CNTNAP2: variants seen among roughly 807,000 people sequenced by gnomAD.
The protein encoded by CNTNAP2 is contactin associated protein 2.
Under a neutral mutation model 155.2 loss-of-function variants are expected in CNTNAP2, and 98 were observed. The ratio of observed to expected loss-of-function variants is 0.63; its 90% CI spans 0.54 to 0.75. CNTNAP2 has a LOEUF of 0.75. Among genes scored for constraint, CNTNAP2 ranks in the 30% least tolerant of loss-of-function variants. The pLI is 0.00. For synonymous variants in CNTNAP2, 651 were observed against 631.2 expected, an observed-to-expected ratio of 1.03 and a Z score of -0.47; for missense variants, 1,727 against 1,688.1, an observed-to-expected ratio of 1.02 and a Z score of -0.40.
intron 3 of CNTNAP2, among the ~76,000 whole-genome samples, chr7:146,939,026 C>G (rs367636003): frequency 1.3e-4 from 20 of 151,868 alleles, no homozygotes; most frequent in African/African-American, 4.6e-4. Context: ...CTGACATTTA[C>G]AAGAAAATAT....
At chr7:147,125,529 T>C (rs1801214736) in intron 6 of CNTNAP2, among the ~76,000 whole-genome samples, 1 of 152,214 alleles carries the variant, frequency 6.6e-6, no homozygotes, top group African/African-American at 2.4e-5. Flanking sequence ...AAATGGTGTT[T>C]GGCTTAGATT....
chr7:147,827,749 T>C (rs1404611139), intron 13 of CNTNAP2, among the ~76,000 whole-genome samples: 1 of 152,120 alleles, frequency 6.6e-6, no homozygotes, highest in African/African-American at 2.4e-5. Context: ...AAGGAGATGA[T>C]TTAGAAAGTA....
intron 10 of CNTNAP2, among the ~76,000 whole-genome samples, chr7:147,462,258 A>G (rs1798038317): frequency 6.6e-6 from 1 of 152,130 alleles, no homozygotes. Context: ...GTCTACGAAA[A>G]CACTTCCTGC....
At chr7:148,371,162 C>A (rs1213959844) in intron 21 of CNTNAP2, among the ~76,000 whole-genome samples, 1 of 151,946 alleles carries the variant, frequency 6.6e-6, no homozygotes, top group African/African-American at 2.4e-5. Context: ...AAATAATTAA[C>A]AAAAATACCA....
At chr7:146,479,788 A>AT (rs1300195835) in intron 1 of CNTNAP2, among the ~76,000 whole-genome samples, 1 of 151,842 alleles carries the variant, frequency 6.6e-6, no homozygotes, top group Non-Finnish European at 1.5e-5. Flanking sequence ...TATTTATTTT[A>AT]TTTTTTATTT....
intron 12 of CNTNAP2, among the ~76,000 whole-genome samples, chr7:147,632,469 T>A (rs1027066732): frequency 3.3e-5 from 5 of 152,180 alleles, no homozygotes; most frequent in Non-Finnish European, 7.3e-5. Flanking sequence ...GGGGCTTTTC[T>A]GCCTTTGCGT....
intron 1 of CNTNAP2, among the ~76,000 whole-genome samples, chr7:146,625,293 C>T (rs1172193378): frequency 6.6e-6 from 1 of 151,590 alleles, no homozygotes; most frequent in Non-Finnish European, 1.5e-5. Flanking sequence ...AAGAAATAAC[C>T]TGAATCTGTT....
chr7:146,687,000 C>T (rs564530566), intron 1 of CNTNAP2, among the ~76,000 whole-genome samples: 8 of 152,146 alleles, frequency 5.3e-5, no homozygotes, highest in African/African-American at 1.4e-4. Flanking sequence ...CAATAAGGTG[C>T]GTTAGTTTAT....
At chr7:146,502,909 A>G (rs1322483043) in intron 1 of CNTNAP2, among the ~76,000 whole-genome samples, 2 of 152,110 alleles carry the variant, frequency 1.3e-5, no homozygotes, top group Non-Finnish European at 2.9e-5. Flanking sequence ...GCCGCCTCAA[A>G]CTGCCATCAT....
intron 11 of CNTNAP2, among the ~76,000 whole-genome samples, chr7:147,503,699 ATT>A (rs767282768): frequency 1.0e-5 from 1 of 97,068 alleles, no homozygotes; most frequent in African/African-American, 5.3e-5. Context: ...AAAAAAAAAT[ATT>A]TTTGACAGCA....
chr7:147,899,123 T>C (rs1051765353), intron 13 of CNTNAP2, among the ~76,000 whole-genome samples: 2 of 152,176 alleles, frequency 1.3e-5, no homozygotes, highest in Non-Finnish European at 2.9e-5. Flanking sequence ...GTGAATCACT[T>C]GAGCCCAAAA....
At chr7:147,852,843 A>G (rs1217187542) in intron 13 of CNTNAP2, among the ~76,000 whole-genome samples, 1 of 152,154 alleles carries the variant, frequency 6.6e-6, no homozygotes, top group African/African-American at 2.4e-5. Context: ...TGAAACCTAG[A>G]CATTTAAGAT....
intron 4 of CNTNAP2, chr7:147,080,856 A>G (rs1483746970): frequency 2.6e-5 from 4 of 151,798 alleles, no homozygotes; most frequent in Non-Finnish European, 5.9e-5. Context: ...CCTCCTCACC[A>G]ATATTGACTC....
At chr7:147,061,469 C>T (rs1444549354) in intron 4 of CNTNAP2, among the ~76,000 whole-genome samples, 5 of 147,820 alleles carry the variant, frequency 3.4e-5, no homozygotes, top group East Asian at 1.9e-4. Flanking sequence ...GCTGTTCTTT[C>T]GAAAGGCTTA....
intron 1 of CNTNAP2, among the ~76,000 whole-genome samples, chr7:146,351,707 C>T (rs528161340): frequency 3.9e-5 from 6 of 152,234 alleles, no homozygotes; most frequent in South Asian, 4.1e-4. Context: ...TGTGCTTTTT[C>T]TAAGTTAAAT....
intron 13 of CNTNAP2, among the ~76,000 whole-genome samples, chr7:147,721,931 A>G (rs1235643565): frequency 2.0e-5 from 3 of 152,168 alleles, no homozygotes; most frequent in African/African-American, 7.2e-5. Flanking sequence ...GTTTCAGTTT[A>G]TTACTAAACA....
chr7:147,725,491 G>A (rs1472269898), intron 13 of CNTNAP2, among the ~76,000 whole-genome samples: 1 of 151,944 alleles, frequency 6.6e-6, no homozygotes, highest in Non-Finnish European at 1.5e-5. Flanking sequence ...CTTGGGCAGG[G>A]AGCAAGGAGA....
intron 14 of CNTNAP2, among the ~76,000 whole-genome samples, chr7:147,923,550 G>A (rs928489997): frequency 6.6e-6 from 1 of 152,056 alleles, no homozygotes; most frequent in Admixed American, 6.6e-5. Flanking sequence ...ATCTCGGTCT[G>A]TCACCCAGGC....
intron 21 of CNTNAP2, among the ~76,000 whole-genome samples, chr7:148,358,892 C>T (rs547281975): frequency 6.6e-6 from 1 of 152,238 alleles, no homozygotes; most frequent in African/African-American, 2.4e-5. Flanking sequence ...CTTAAGACAT[C>T]AGTTACTTTT....
Sources: gnomAD v4.1 joint callset for allele counts (sites outside exome capture counted in the v4.1 genomes callset) on GRCh38, gnomAD v4.1.1 for gene constraint, MANE v1.5 for transcripts, NCBI Gene and HGNC (gene_info 2026-07-23, HGNC 2026-07-21) for gene names.